NEMP1: variants seen among roughly 807,000 people sequenced by gnomAD.
The protein encoded by NEMP1 is transmembrane protein 194.
NEMP1 carries 29 observed loss-of-function variants against 53.7 expected under a neutral mutation model. That is an observed-to-expected ratio of 0.54 (90% CI 0.40 to 0.74). The LOEUF is 0.74. Ranked by LOEUF, NEMP1 falls within the 30% of genes least tolerant of loss-of-function variation. The pLI is 0.00. For synonymous variants in NEMP1, 193 were observed against 192.9 expected (o/e 1.00, Z 0.00); for missense variants, 477 against 528.6 (o/e 0.90, Z 0.96).
chr12:57,064,043 A>G, intron 6 of NEMP1, 28 bp downstream of exon 6: 1 of 1,445,712 alleles, frequency 6.9e-7, no homozygotes, highest in Non-Finnish European at 9.6e-7. Flanking sequence ...TAAACGTACA[A>G]AAGGAAAGCA....
At chr12:57,076,576 G>T (rs1397905520) in intron 1 of NEMP1, among the ~76,000 whole-genome samples, 5 of 152,254 alleles carry the variant, frequency 3.3e-5, no homozygotes, top group Admixed American at 3.3e-4. Flanking sequence ...GGGAGGCTGA[G>T]GTGGGCAGAT....
chr12:57,063,025 A>T, intron 7 of NEMP1, 94 bp downstream of exon 7: 13 of 947,512 alleles, frequency 1.4e-5, no homozygotes, highest in Non-Finnish European at 8.2e-6. Context: ...TTCATTAACA[A>T]AGAAGCTCCC....
In NEMP1 at chr12:57,063,348, T is replaced by C. The variant is rs1475924662; in HGVS notation, c.755-4A>G. Reference sequence around the variant, plus strand: ...AATCCAACTGTGAGGACATAACCTATGAGAAGAGTTATCAGAAGACATTCT... The same window carrying C: ...AATCCAACTGTGAGGACATAACCTACGAGAAGAGTTATCAGAAGACATTCT... On this transcript the variant is annotated splice_region_variant and splice_polypyrimidine_tract_variant and intron_variant, in intron 6 of 8. Transcript: ENST00000300128. 2.5e-6 allele frequency: 4 copies of C among 1,610,346 alleles called. No homozygotes were observed. The African/African-American group carries it at 4.0e-5, about 16-fold the overall frequency.
chr12:57,069,560 C>T (rs931866807), intron 3 of NEMP1, among the ~76,000 whole-genome samples: 4 of 152,080 alleles, frequency 2.6e-5, no homozygotes, highest in Non-Finnish European at 5.9e-5. Context: ...GAAACTCAAG[C>T]TTCGTTTTGG....
rs900096587 is a variant in NEMP1 at position 57,057,433 on chromosome 12, T to A, written c.*2446A>T. 2.6e-5 allele frequency: 4 copies of A among 152,200 alleles called. No individual in the cohort carries two copies. The highest frequency in any genetic ancestry group is 9.7e-5 in the African/African-American group (4 of 41,390). The allele number at this position is 152,200 out of a possible 1,614,324, so 9.4% of individuals were successfully genotyped here. A position where few individuals can be genotyped will look rare whatever the true frequency, so the allele number is the denominator to read the frequency against. On this transcript the variant is annotated 3_prime_UTR_variant, in exon 9 of 9. Coordinates refer to ENST00000300128, the MANE Select transcript of NEMP1 (RefSeq NM_001130963.2). ...GTAGTGACTGAGCCAGCAAACTAAG[T>A]GGCCAAGAGGGAGACAAGAGCAGCT...
intron 2 of NEMP1, among the ~76,000 whole-genome samples, chr12:57,071,461 G>A (rs1167968975): frequency 3.3e-5 from 5 of 151,722 alleles, no homozygotes; most frequent in Non-Finnish European, 7.4e-5. Context: ...CACTGCAACC[G>A]CCACCTCCTG....
intron 1 of NEMP1, among the ~76,000 whole-genome samples, chr12:57,084,278 T>C (rs1347731074): frequency 6.6e-6 from 1 of 152,202 alleles, no homozygotes; most frequent in African/African-American, 2.4e-5. Flanking sequence ...TTGGTTTTCA[T>C]AATTTTTTTA....
chr12:57,066,531 G>T (rs1413285100), intron 4 of NEMP1, among the ~76,000 whole-genome samples: 1 of 152,138 alleles, frequency 6.6e-6, no homozygotes, highest in African/African-American at 2.4e-5. Flanking sequence ...CCTTTCAGTT[G>T]AAGACTCACA....
chr12:57,077,533 T>C (rs1169539773), intron 1 of NEMP1, among the ~76,000 whole-genome samples: 2 of 151,954 alleles, frequency 1.3e-5, no homozygotes, highest in Admixed American at 6.6e-5. Flanking sequence ...AAAAAAAGAA[T>C]TTTAAATTAC....
chr12:57,062,974 A>T (rs1181138811), intron 7 of NEMP1, 145 bp downstream of exon 7: 1 of 566,838 alleles, frequency 1.8e-6, no homozygotes, highest in Non-Finnish European at 3.1e-6. Context: ...AAAAAAATAG[A>T]CTCGGGAAGG....
chr12:57,088,399 TC>T (rs779203198), upstream of NEMP1, among the ~76,000 whole-genome samples: 10 of 152,106 alleles, frequency 6.6e-5, no homozygotes, highest in Non-Finnish European at 1.5e-4. Flanking sequence ...ATCTAGGAGA[TC>T]CCTGCAGAGC....
rs2031707118 is a variant in NEMP1, at chr12:57,059,825, T to G, written c.*54A>C. 6.6e-7 allele frequency: 1 copy of G among 1,511,340 alleles called. No individual in the cohort carries two copies. The highest frequency in any genetic ancestry group is 1.8e-5 in the Admixed American group (1 of 55,916). 93.6% of individuals were successfully genotyped at this position (1,511,340 alleles called of 1,614,324 possible). A position where few individuals can be genotyped will look rare whatever the true frequency, so the allele number is the denominator to read the frequency against. The stretch of plus-strand genomic sequence containing the variant: ...GGGTTGAAAGCAATTGCACAACACA[T>G]GCAACATGGACCAAGGCACCAAGCC... On this transcript the variant is annotated 3_prime_UTR_variant, in exon 9 of 9. Transcript: ENST00000300128.
At chr12:57,080,230 T>C (rs73118413), upstream of NEMP1, among the ~76,000 whole-genome samples, 13,787 of 152,182 alleles carry the variant, frequency 0.091, 660 homozygotes, top group East Asian at 0.19. Context: ...CCTCCCAAAT[T>C]ACTGAAATTA....
At chr12:57,084,624 G>C (rs532689968) in intron 1 of NEMP1, among the ~76,000 whole-genome samples, 2 of 152,220 alleles carry the variant, frequency 1.3e-5, no homozygotes, top group East Asian at 1.9e-4. Flanking sequence ...GTGCAGATCT[G>C]ACCATGCCAT....
intron 1 of NEMP1, among the ~76,000 whole-genome samples, chr12:57,076,663 C>T (rs2032636454): frequency 6.6e-6 from 1 of 152,072 alleles, no homozygotes; most frequent in African/African-American, 2.4e-5. Flanking sequence ...AAAAGTTAGC[C>T]AGGCATGGTG....
At position 57,070,870 on chromosome 12, in the gene NEMP1, C is replaced by T. The variant is rs2032314542; in HGVS notation, c.276G>A (p.Leu92=). 2 of 1,613,914 alleles carry T rather than the reference C, an allele frequency of 1.2e-6. No homozygotes were observed. Among genetic ancestry groups the T allele is most frequent in the African/African-American group, 2.7e-5 (2 of 75,018 alleles). The change falls in exon 3 of 9, where the codon TTG becomes TTA. Residue 92 remains leucine, a synonymous_variant. Coordinates refer to ENST00000300128, the MANE Select transcript of NEMP1 (RefSeq NM_001130963.2). ...CATTCTCCACCTGGGTGACTCGAAC[C>T]AATCTGGAACTATTTACTCGGATCT... ...RIQIRVNSSR[L]VRVTQVENEE... is the part of the protein sequence containing the mutation.
At chr12:57,088,494 C>T (rs995068833), upstream of NEMP1, among the ~76,000 whole-genome samples, 3 of 152,232 alleles carry the variant, frequency 2.0e-5, no homozygotes, top group Non-Finnish European at 2.9e-5. Context: ...CCAGCCTTCG[C>T]TAACTTTTCC....
At chr12:57,080,783 T>C (rs1456430363), upstream of NEMP1, among the ~76,000 whole-genome samples, 1 of 148,842 alleles carries the variant, frequency 6.7e-6, no homozygotes, top group African/African-American at 2.5e-5. Flanking sequence ...CCCAGCTACT[T>C]AGGAGTCTGA....
chr12:57,064,243 A>G, intron 5 of NEMP1, 58 bp from the exon 6 acceptor site: 1 of 1,114,700 alleles, frequency 9.0e-7, no homozygotes, highest in East Asian at 2.5e-5. Flanking sequence ...CATACATAAA[A>G]GAAGCAAAAT....
Sources: gnomAD v4.1 joint callset for allele counts (sites outside exome capture counted in the v4.1 genomes callset) on GRCh38, gnomAD v4.1.1 for gene constraint, MANE v1.5 for transcripts, NCBI Gene and HGNC (gene_info 2026-07-23, HGNC 2026-07-21) for gene names.